The following RAB7B variants were observed in gnomAD, a reference collection of about 807,000 sequenced individuals.
The protein encoded by RAB7B is RAB7B, member RAS oncogene family.
At position 205,993,482 on chromosome 1, in the gene RAB7B, T is replaced by C. The variant is rs1660759676; in HGVS notation, c.118A>G (p.Thr40Ala). 1 of 398,482 alleles carries C rather than the reference T, an allele frequency of 2.5e-6. No homozygotes were observed. Among genetic ancestry groups the C allele is most frequent in the Admixed American group, 4.4e-5 (1 of 22,710 alleles). The allele number at this position is 398,482 out of a possible 1,614,324, so 24.7% of individuals were successfully genotyped here. A position where few individuals can be genotyped will look rare whatever the true frequency, so the allele number is the denominator to read the frequency against. Residue 40 changes from threonine (T) to alanine (A), a missense_variant, in exon 3 of 6, where the codon ACA (threonine) becomes GCA (alanine). By Grantham distance (58) the Thr-to-Ala change is moderately conservative (BLOSUM62 0). Coordinates refer to ENST00000617070, the MANE Select transcript of RAB7B (RefSeq NM_001164522.3). Reference protein sequence around the residue: ...HKTFYEEYQTTLGASILSKII... With the variant: ...HKTFYEEYQTALGASILSKII... ...TTGGAGAGGATGCTGGCCCCCAGTG[T>C]GGTCTGGTATTCCTCATAAAACGTC... is the stretch of plus-strand genomic sequence containing the variant.
rs1660746937 is a variant in RAB7B, at chr1:205,992,710, A to C, written c.181-15T>G. ...GTGTCCCAGATCTGGAGGGGAAAGCAGTTGCCCCATGGGGCTGTGATGAAT... is the reference window on the plus strand; with the variant it reads ...GTGTCCCAGATCTGGAGGGGAAAGCCGTTGCCCCATGGGGCTGTGATGAAT... On this transcript the variant is annotated splice_polypyrimidine_tract_variant and intron_variant, in intron 3 of 5. Transcript: ENST00000617070. 2 of 398,714 alleles carry C rather than the reference A, an allele frequency of 5.0e-6. No individual in the cohort carries two copies. 24.7% of individuals were successfully genotyped at this position (398,714 alleles called of 1,614,324 possible). A position where few individuals can be genotyped will look rare whatever the true frequency, so the allele number is the denominator to read the frequency against.
intron 5 of RAB7B, among the ~76,000 whole-genome samples, chr1:205,980,070 A>T (rs2102630383): frequency 6.6e-6 from 1 of 151,932 alleles, no homozygotes; most frequent in East Asian, 1.9e-4. Context: ...ATCCTCTGAC[A>T]CCCCATCACT....
At chr1:205,988,578 G>T (rs1384025620) in intron 4 of RAB7B, among the ~76,000 whole-genome samples, 1 of 152,186 alleles carries the variant, frequency 6.6e-6, no homozygotes. Context: ...TTAGGTAGGA[G>T]AAGCTGCTGT....
chr1:205,991,703 A>T (rs1371489146), intron 4 of RAB7B, among the ~76,000 whole-genome samples: 1 of 152,226 alleles, frequency 6.6e-6, no homozygotes, highest in African/African-American at 2.4e-5. Flanking sequence ...TTCAGACATG[A>T]TGATCCAGTT....
At position 205,992,498 on chromosome 1, in the gene RAB7B, G is replaced by A. The variant is rs890290136; in HGVS notation, c.378C>T (p.Ile126=). The A allele has an allele frequency of 6.0e-3, 2,377 of 398,636 alleles. 63 individuals carry two copies. The highest frequency in any genetic ancestry group is 0.044 in the African/African-American group (2,152 of 48,750). 24.7% of individuals were successfully genotyped at this position (398,636 alleles called of 1,614,324 possible). The part of the protein sequence containing the change: ...SYPMVLLGNK[I]DLADRKVPQE... The stretch of plus-strand genomic sequence containing the variant: ...ACAGTACCTTCCGGTCTGCCAGATC[G>A]ATCTTGTTCCCCAACAACACCATGG... The change falls in exon 4 of 6, where the codon ATC becomes ATT. Residue 126 remains isoleucine (I), a synonymous_variant. Coordinates refer to ENST00000617070, the MANE Select transcript of RAB7B (RefSeq NM_001164522.3).
intron 5 of RAB7B, among the ~76,000 whole-genome samples, chr1:205,982,451 C>A (rs909584341): frequency 6.6e-6 from 1 of 152,196 alleles, no homozygotes; most frequent in South Asian, 2.1e-4. Flanking sequence ...CTCATCCTCT[C>A]GGCAGCACGA....
chr1:205,994,331 T>C, intron 1 of RAB7B, 180 bp from the exon 2 acceptor site: 3 of 360,676 alleles, frequency 8.3e-6, no homozygotes, highest in Middle Eastern at 7.1e-4. Flanking sequence ...CTCCCTCACT[T>C]TCCCTGGGGG....
At chr1:205,990,974 T>C (rs887528119) in intron 4 of RAB7B, among the ~76,000 whole-genome samples, 1,814 of 151,978 alleles carry the variant, frequency 0.012, 15 homozygotes, top group Non-Finnish European at 0.017. Flanking sequence ...GGTTTCACCA[T>C]GTTGGCCAGT....
At chr1:205,995,983 G>A (rs1660805848) in intron 1 of RAB7B, among the ~76,000 whole-genome samples, 1 of 152,022 alleles carries the variant, frequency 6.6e-6, no homozygotes, top group South Asian at 2.1e-4. Flanking sequence ...GTTGTACATG[G>A]TAAGTGTGTA....
chr1:205,988,708 G>A (rs1660660881), intron 4 of RAB7B, among the ~76,000 whole-genome samples: 1 of 152,100 alleles, frequency 6.6e-6, no homozygotes, highest in African/African-American at 2.4e-5. Flanking sequence ...CTGTGTTCTG[G>A]TCTCCGCCCC....
intron 4 of RAB7B, among the ~76,000 whole-genome samples, chr1:205,991,241 C>T (rs1393907782): frequency 3.3e-5 from 5 of 152,180 alleles, no homozygotes; most frequent in Non-Finnish European, 5.9e-5. Context: ...GACCTATTCC[C>T]TCTCTTAGAC....
intron 4 of RAB7B, among the ~76,000 whole-genome samples, chr1:205,988,436 T>C (rs1571794643): frequency 6.6e-6 from 1 of 152,176 alleles, no homozygotes; most frequent in South Asian, 2.1e-4. Context: ...GGTCTTGACA[T>C]GTTGCCCAGG....
chr1:205,987,959 G>A (rs987709238), intron 4 of RAB7B, among the ~76,000 whole-genome samples: 1 of 151,912 alleles, frequency 6.6e-6, no homozygotes, highest in Non-Finnish European at 1.5e-5. Flanking sequence ...TGCCCAGGTT[G>A]GTCTTGAACT....
chr1:205,995,317 T>A (rs1351501470), intron 1 of RAB7B, among the ~76,000 whole-genome samples: 1 of 152,044 alleles, frequency 6.6e-6, no homozygotes, highest in Non-Finnish European at 1.5e-5. Context: ...CACCCAACAC[T>A]TAAATGAGTT....
chr1:205,980,056 G>T (rs1660460278), intron 5 of RAB7B, among the ~76,000 whole-genome samples: 1 of 152,132 alleles, frequency 6.6e-6, no homozygotes, highest in Non-Finnish European at 1.5e-5. Context: ...AAATACATAA[G>T]AAGATCCTCT....
Position 205,979,371 on chromosome 1 carries a change from G to A in RAB7B, c.523-443C>T, listed in dbSNP as rs997536382. 1.2e-3 allele frequency among the ~76,000 whole-genome samples: 175 copies of A among 152,170 alleles called. 3 individuals carry two copies. In the East Asian group the frequency reaches 0.032, roughly 28 times the overall value. On this transcript the variant is annotated intron_variant, in intron 5 of 5. Coordinates refer to ENST00000617070, the MANE Select transcript of RAB7B (RefSeq NM_001164522.3). The stretch of plus-strand genomic sequence containing the variant: ...TACTCATGCCTAGAAAAGCCCAGTC[G>A]GTCCTCTGTCCTGGCCACATCCAGG...
chr1:205,988,186 T>C (rs1239229090), intron 4 of RAB7B, among the ~76,000 whole-genome samples: 2 of 151,774 alleles, frequency 1.3e-5, no homozygotes, highest in Admixed American at 6.6e-5. Flanking sequence ...TGTATATATA[T>C]GTATGTATAT....
At chr1:205,987,387 A>G (rs1225324700) in intron 4 of RAB7B, among the ~76,000 whole-genome samples, 2 of 152,228 alleles carry the variant, frequency 1.3e-5, no homozygotes, top group African/African-American at 4.8e-5. Context: ...TTGGTCAACA[A>G]TATACTACTG....
chr1:205,992,751 C>T (rs1285389380), intron 3 of RAB7B, 56 bp from the exon 4 acceptor site: 4 of 398,530 alleles, frequency 1.0e-5, no homozygotes, highest in African/African-American at 2.1e-5. Flanking sequence ...GAAGGAGGCC[C>T]AGCTGGATTA....
Sources: gnomAD v4.1 joint callset for allele counts (sites outside exome capture counted in the v4.1 genomes callset) on GRCh38, gnomAD v4.1.1 for gene constraint, MANE v1.5 for transcripts, NCBI Gene and HGNC (gene_info 2026-07-23, HGNC 2026-07-21) for gene names.